Variants in HUWE1 observed in about 807,000 individuals in gnomAD.
The protein encoded by HUWE1 is E3 ubiquitin-protein ligase HUWE1.
A neutral mutation model predicts 299.4 loss-of-function variants in HUWE1; 18 were observed. The ratio of observed to expected loss-of-function variants is 0.06; its 90% CI spans 0.04 to 0.09. The LOEUF (loss-of-function observed/expected upper bound fraction) is 0.09. Ranked by LOEUF, HUWE1 falls within the 10% of genes least tolerant of loss-of-function variation. The pLI is 1.00. For missense variants in HUWE1, 1,832 were observed against 3,462.3 expected, an observed-to-expected ratio of 0.53 and a Z score of 11.82; for synonymous variants, 1,317 against 1,286.1, an observed-to-expected ratio of 1.02 and a Z score of -0.51.
At chrX:53,676,501 GAA>G (rs1455218909) in intron 3 of HUWE1, among the ~76,000 whole-genome samples, 3 of 112,181 alleles carry the variant, frequency 2.7e-5, no homozygotes, top group Non-Finnish European at 5.6e-5. Context: ...GAACTTGATA[GAA>G]AGTTCCAAGC....
At chrX:53,636,031 C>T (rs1164264003) in intron 7 of HUWE1, among the ~76,000 whole-genome samples, 2 of 112,595 alleles carry the variant, frequency 1.8e-5, no homozygotes, top group African/African-American at 6.5e-5. Context: ...GGTGAATGAT[C>T]ATTTTATTCT....
chrX:53,599,365 T>C (rs967762940), intron 29 of HUWE1, among the ~76,000 whole-genome samples: 1 of 112,120 alleles, frequency 8.9e-6, no homozygotes, highest in African/African-American at 3.2e-5. Flanking sequence ...CAAAGGCCAT[T>C]TTCTGTTTGC....
chrX:53,674,509 C>T (rs1432402070), intron 3 of HUWE1, among the ~76,000 whole-genome samples: 3 of 111,991 alleles, frequency 2.7e-5, no homozygotes, highest in Non-Finnish European at 5.6e-5. Context: ...AAGAGTAAGT[C>T]TTGTGAAGAA....
At chrX:53,574,025 T>TGGAAACAC in intron 46 of HUWE1, 61 bp from the exon 47 acceptor site, 2 of 1,005,071 alleles carry the variant, frequency 2.0e-6, no homozygotes, top group Admixed American at 4.4e-5. Flanking sequence ...AAATCAAGTC[T>TGGAAACAC]TAGGTGGAAA....
chrX:53,683,699 G>C (rs2070312351), intron 2 of HUWE1, among the ~76,000 whole-genome samples: 1 of 112,472 alleles, frequency 8.9e-6, no homozygotes, highest in Admixed American at 9.3e-5. Context: ...CGGCACCCCG[G>C]CGTTTCGCCA....
chrX:53,664,456 T>C (rs1371256027), intron 3 of HUWE1, among the ~76,000 whole-genome samples: 2 of 111,598 alleles, frequency 1.8e-5, no homozygotes, highest in Non-Finnish European at 3.8e-5. Context: ...TGCTGCCTAC[T>C]CTAGGAGCTT....
At chrX:53,563,511 G>C (rs1223943384) in intron 52 of HUWE1, among the ~76,000 whole-genome samples, 4 of 111,053 alleles carry the variant, frequency 3.6e-5, no homozygotes, top group Non-Finnish European at 7.5e-5. Context: ...TGTATCATCT[G>C]TATCAATGGC....
rs375455781 is a variant in HUWE1, at chrX:53,648,705, C to T, written c.46-395G>A. 1.3e-4 allele frequency among the ~76,000 whole-genome samples: 14 copies of T among 106,712 alleles called. No individual in the cohort carries two copies. The South Asian group carries it at 5.3e-3, about 41-fold the overall frequency. The allele number at this position is 106,712 out of a possible 115,157, so 92.7% of individuals were successfully genotyped here. A position where few individuals can be genotyped will look rare whatever the true frequency, so the allele number is the denominator to read the frequency against. On this transcript the variant is annotated intron_variant, in intron 4 of 83. Transcript: ENST00000262854. ...TCTATACCATGGTCTGAAAGTTAAC[C>T]AGAATGCCTGGTAGGTTATATTGAA...
chrX:53,679,114 C>T (rs2069987502), intron 3 of HUWE1, among the ~76,000 whole-genome samples: 1 of 110,422 alleles, frequency 9.1e-6, no homozygotes, highest in African/African-American at 3.3e-5. Context: ...GCTGTAATCC[C>T]CAAATATGGG....
In HUWE1 at chrX:53,595,276, G is replaced by A. The variant is rs947688996; in HGVS notation, c.3291C>T (p.Ala1097=). The change falls in exon 30 of 84, where the codon GCC becomes GCT. Residue 1097 remains alanine, a synonymous_variant. Coordinates refer to ENST00000262854, the MANE Select transcript of HUWE1 (RefSeq NM_031407.7). The stretch of plus-strand genomic sequence containing the variant: ...TGAGAGCTGAGGCTGTTGATCGCGC[G>A]GCAGGTGTCGGTGCTGTAGTGGTGC... The part of the protein sequence containing the change: ...AASTTTAPTP[A]ARSTASALTK... The A allele has an allele frequency of 1.3e-5, 16 of 1,208,937 alleles. No individual in the cohort carries two copies. In the Middle Eastern group the frequency reaches 6.9e-4, roughly 52 times the overall value.
chrX:53,546,922 T>C (rs1457912675), intron 68 of HUWE1, 97 bp from the exon 69 acceptor site: 1 of 1,043,597 alleles, frequency 9.6e-7, no homozygotes, highest in African/African-American at 1.9e-5. Context: ...GCCCAGGGCT[T>C]CAAAATGGGA....
At chrX:53,540,504 T>G (rs1398891366) in intron 74 of HUWE1, among the ~76,000 whole-genome samples, 10 of 111,695 alleles carry the variant, frequency 9.0e-5, no homozygotes, top group Non-Finnish European at 3.8e-5. Context: ...GATTTTTGTA[T>G]TTTTAGTAGA....
At chrX:53,535,989 GT>G in intron 80 of HUWE1, 157 bp downstream of exon 80, 1 of 261,887 alleles carries the variant, frequency 3.8e-6, no homozygotes, top group Admixed American at 4.6e-5. Context: ...TGGTTTTCCT[GT>G]TTGTGATGTC....
rs782158941 is a variant in HUWE1, at chrX:53,617,150, A to G, written c.1780-3T>C. 5 of 1,205,622 alleles carry G rather than the reference A, an allele frequency of 4.1e-6. No homozygotes were observed. The African/African-American group carries it at 5.3e-5, about 13-fold the overall frequency. ...AGGACTTCACGGGTAGCAGGAACCT[A>G]AAGAGAAAACAAAGTGAGCTTGAAT... is the stretch of plus-strand genomic sequence containing the variant. On this transcript the variant is annotated splice_polypyrimidine_tract_variant and splice_region_variant and intron_variant, in intron 20 of 83. Transcript: ENST00000262854.
At chrX:53,667,005 C>T (rs1557047840) in intron 3 of HUWE1, among the ~76,000 whole-genome samples, 9 of 111,567 alleles carry the variant, frequency 8.1e-5, no homozygotes, top group Admixed American at 1.9e-4. Flanking sequence ...TATAAACATA[C>T]TATATGCAGG....
In HUWE1 at chrX:53,546,755, A is replaced by G. The variant is rs150358853; in HGVS notation, c.10707T>C (p.Phe3569=). ...CAGTGAGGCCAGAGGACACCATCTTAAAGTCTGTACTGCTGCTGCCCCCAT... is the reference window on the plus strand; with the variant it reads ...CAGTGAGGCCAGAGGACACCATCTTGAAGTCTGTACTGCTGCTGCCCCCAT... ...VSDGGSSSTD[F]KMVSSGLTEN... Residue 3569 remains phenylalanine, a synonymous_variant, in exon 69 of 84, where the codon TTT becomes TTC. Coordinates refer to ENST00000262854, the MANE Select transcript of HUWE1 (RefSeq NM_031407.7). 9.9e-4 allele frequency: 1,201 copies of G among 1,209,330 alleles called. 2 individuals carry two copies. Among genetic ancestry groups the G allele is most frequent in the Admixed American group, 1.4e-3 (66 of 45,787 alleles).
intron 38 of HUWE1, 37 bp downstream of exon 38, chrX:53,586,745 A>G (rs782105749): frequency 8.3e-7 from 1 of 1,209,293 alleles, no homozygotes; most frequent in Non-Finnish European, 1.1e-6. Flanking sequence ...TCCCAGGGAA[A>G]TAGAAACGAA....
chrX:53,595,772 AG>A (rs1233941976), intron 29 of HUWE1, among the ~76,000 whole-genome samples: 2 of 110,192 alleles, frequency 1.8e-5, no homozygotes, highest in African/African-American at 6.9e-5. Context: ...TTAGCCACTT[AG>A]ATAAGAAAAG....
At chrX:53,598,483 C>G (rs2064626760) in intron 29 of HUWE1, among the ~76,000 whole-genome samples, 1 of 111,370 alleles carries the variant, frequency 9.0e-6, no homozygotes, top group Non-Finnish European at 1.9e-5. Context: ...CCACTTCCTT[C>G]CTCCTCCTCA....
Sources: allele counts gnomAD v4.1 joint callset (sites outside exome capture counted in the v4.1 genomes callset), GRCh38; gene constraint gnomAD v4.1.1; transcripts MANE v1.5; gene names NCBI Gene and HGNC (gene_info 2026-07-23, HGNC 2026-07-21).